Variants in CDH4 observed in about 807,000 individuals in gnomAD.
The protein encoded by CDH4 is cadherin 4.
Under a neutral mutation model 86.0 loss-of-function variants are expected in CDH4, and 33 were observed. That is an observed-to-expected ratio of 0.38 (90% CI 0.29 to 0.51). CDH4 has a LOEUF of 0.51. CDH4 is among the 20% of genes least tolerant of loss of function. The pLI, the probability that CDH4 is intolerant of heterozygous loss-of-function variation, is 0.86. For missense variants in CDH4, 1,114 were observed against 1,307.4 expected (o/e 0.85, Z 2.28); for synonymous variants, 555 against 549.4 (o/e 1.01, Z -0.14).
chr20:61,556,151 C>G (rs1050180404), intron 2 of CDH4, among the ~76,000 whole-genome samples: 1 of 152,198 alleles, frequency 6.6e-6, no homozygotes, highest in African/African-American at 2.4e-5. Context: ...CCTTGAACTT[C>G]AGCAACAAGA....
intron 2 of CDH4, among the ~76,000 whole-genome samples, chr20:61,503,084 C>A (rs1272656012): frequency 6.6e-6 from 1 of 152,190 alleles, no homozygotes; most frequent in Non-Finnish European, 1.5e-5. Context: ...GCTGGGTACT[C>A]CTCCCAGCAA....
At chr20:61,426,767 G>A (rs536401300) in intron 2 of CDH4, among the ~76,000 whole-genome samples, 1 of 152,206 alleles carries the variant, frequency 6.6e-6, no homozygotes, top group Non-Finnish European at 1.5e-5. Context: ...GCAGGGAATC[G>A]AGGCAGAAGC....
At chr20:61,696,338 C>T (rs2087714587) in intron 2 of CDH4, among the ~76,000 whole-genome samples, 1 of 152,234 alleles carries the variant, frequency 6.6e-6, no homozygotes, top group Non-Finnish European at 1.5e-5. Flanking sequence ...ACCTCAGGGA[C>T]TCTTTCTCCT....
intron 2 of CDH4, among the ~76,000 whole-genome samples, chr20:61,564,858 G>T (rs1240634045): frequency 6.6e-6 from 1 of 152,140 alleles, no homozygotes; most frequent in Non-Finnish European, 1.5e-5. Flanking sequence ...CGAGGTCCCC[G>T]GGGGAGATGC....
chr20:61,419,691 A>C (rs573931979), intron 2 of CDH4, among the ~76,000 whole-genome samples: 1 of 141,558 alleles, frequency 7.1e-6, no homozygotes, highest in African/African-American at 2.6e-5. Flanking sequence ...CGCTCCAGGC[A>C]TGGCCCATGC....
chr20:61,366,080 C>T (rs1169181272), intron 2 of CDH4, among the ~76,000 whole-genome samples: 4 of 152,186 alleles, frequency 2.6e-5, no homozygotes, highest in Admixed American at 1.3e-4. Flanking sequence ...CAGTGGTGGC[C>T]GGCCAGCCGC....
At chr20:61,575,769 C>T (rs2086378482) in intron 2 of CDH4, among the ~76,000 whole-genome samples, 1 of 152,214 alleles carries the variant, frequency 6.6e-6, no homozygotes, top group South Asian at 2.1e-4. Flanking sequence ...TGGCCCGTTA[C>T]AGAACATGTT....
chr20:61,565,358 G>GCGGTGCTCTT lies in CDH4; in HGVS notation c.170-178205_170-178204insCGGTGCTCTT, dbSNP rs144748536. Among the ~76,000 whole-genome samples the GCGGTGCTCTT allele has an allele frequency of 3.0e-4, 10 of 33,336 alleles. 1 individual carries two copies. The highest frequency in any genetic ancestry group is 5.7e-4 in the Non-Finnish European group (10 of 17,616). 21.9% of individuals were successfully genotyped at this position (33,336 alleles called of 152,430 possible). A position where few individuals can be genotyped will look rare whatever the true frequency, so the allele number is the denominator to read the frequency against. On this transcript the variant is annotated intron_variant, in intron 2 of 15. Coordinates refer to ENST00000614565, the MANE Select transcript of CDH4 (RefSeq NM_001794.5). ...GGTGGTAGTGGTCCTCTTGGTGATG[G>GCGGTGCTCTT]GGTGATGGTGGTGGTGGTCCTCTTG...
chr20:61,690,248 G>T (rs2087638712), intron 2 of CDH4, among the ~76,000 whole-genome samples: 1 of 152,052 alleles, frequency 6.6e-6, no homozygotes, highest in Non-Finnish European at 1.5e-5. Context: ...CGGGGACAGT[G>T]GTTAGGTGAG....
At chr20:61,866,661 T>C (rs371986103) in intron 6 of CDH4, among the ~76,000 whole-genome samples, 2 of 152,326 alleles carry the variant, frequency 1.3e-5, no homozygotes, top group Middle Eastern at 6.8e-3. Context: ...ACCCCAGCGT[T>C]CCAGCAGGTG....
intron 5 of CDH4, among the ~76,000 whole-genome samples, chr20:61,850,397 G>A (rs945810704): frequency 2.6e-5 from 4 of 152,104 alleles, no homozygotes; most frequent in African/African-American, 7.2e-5. Context: ...TTTACCCCTC[G>A]GCCACTTCCA....
chr20:61,882,246 C>T lies in CDH4; in HGVS notation c.1050+8346C>T, dbSNP rs1477441128. ...CACACAGCGTGGCTGACCATTTGCA[C>T]GTGGGCGGTGCCACGCTCCAGGATG... On this transcript the variant is annotated intron_variant, in intron 7 of 15. Coordinates refer to ENST00000614565, the MANE Select transcript of CDH4 (RefSeq NM_001794.5). 5.3e-5 allele frequency among the ~76,000 whole-genome samples: 8 copies of T among 152,380 alleles called. No homozygotes were observed. The East Asian group carries it at 7.7e-4, about 15-fold the overall frequency.
chr20:61,357,339 C>T (rs946346657), intron 2 of CDH4, among the ~76,000 whole-genome samples: 108 of 152,178 alleles, frequency 7.1e-4, no homozygotes, highest in Non-Finnish European at 1.3e-3. Context: ...CCGGCTGGTC[C>T]ACACCCACTG....
At chr20:61,872,110 AC>A (rs1253731245) in intron 6 of CDH4, among the ~76,000 whole-genome samples, 1 of 152,096 alleles carries the variant, frequency 6.6e-6, no homozygotes, top group East Asian at 1.9e-4. Flanking sequence ...CTCCTCGCAG[AC>A]CCTGCCTCCT....
intron 6 of CDH4, among the ~76,000 whole-genome samples, chr20:61,868,068 C>T (rs1463581171): frequency 6.6e-6 from 1 of 152,208 alleles, no homozygotes; most frequent in Non-Finnish European, 1.5e-5. Flanking sequence ...TGATCAATAT[C>T]CGATTAGTGC....
At chr20:61,854,600 CGCCCCCAGGGCTGCAGTGTGA>C (rs1982903329) in intron 6 of CDH4, among the ~76,000 whole-genome samples, 1 of 146,630 alleles carries the variant, frequency 6.8e-6, no homozygotes, top group East Asian at 2.1e-4. Flanking sequence ...GCCCTTGGTC[CGCCCCCAGGGCTGCAGTGTGA>C]ACAGGGTGAA....
chr20:61,844,865 C>T (rs767421624), intron 5 of CDH4, 42 bp downstream of exon 5: 17 of 1,572,490 alleles, frequency 1.1e-5, no homozygotes, highest in South Asian at 5.8e-5. Context: ...CCTGGGGTGG[C>T]GATCCCAGCC....
At chr20:61,297,651 G>A (rs1568787197) in intron 2 of CDH4, among the ~76,000 whole-genome samples, 1 of 152,232 alleles carries the variant, frequency 6.6e-6, no homozygotes, top group Non-Finnish European at 1.5e-5. Context: ...AAGATTTGTC[G>A]ATTGCACCAA....
At chr20:61,716,125 C>G (rs2087949616) in intron 2 of CDH4, among the ~76,000 whole-genome samples, 1 of 152,160 alleles carries the variant, frequency 6.6e-6, no homozygotes, top group Admixed American at 6.5e-5. Context: ...CACCTGTGAG[C>G]CACCCCTTGG....
Sources: gnomAD v4.1 joint callset for allele counts (sites outside exome capture counted in the v4.1 genomes callset) on GRCh38, gnomAD v4.1.1 for gene constraint, MANE v1.5 for transcripts, NCBI Gene and HGNC (gene_info 2026-07-23, HGNC 2026-07-21) for gene names.